The following SLC9B1 variants were observed in gnomAD, a reference collection of about 807,000 sequenced individuals.
The protein encoded by SLC9B1 is sodium/hydrogen exchanger 9B1.
Under a neutral mutation model 51.7 loss-of-function variants are expected in SLC9B1, and 32 were observed. The observed-to-expected ratio is 0.62, with a 90% CI of 0.47 to 0.83. SLC9B1 has a LOEUF of 0.83. SLC9B1 is among the 40% of genes least tolerant of loss of function. SLC9B1 has a pLI of 0.00. For missense variants in SLC9B1, 406 were observed against 613.2 expected (o/e 0.66, Z 3.57); for synonymous variants, 145 against 212.7 (o/e 0.68, Z 2.77).
chr4:103,010,803 G>C (rs1560531423), intron 1 of SLC9B1, among the ~76,000 whole-genome samples: 1 of 152,178 alleles, frequency 6.6e-6, no homozygotes, highest in Non-Finnish European at 1.5e-5. Flanking sequence ...TCATGACCTA[G>C]TCACCTCCTA....
At chr4:102,976,506 A>G (rs1327739407) in intron 3 of SLC9B1, among the ~76,000 whole-genome samples, 1 of 152,230 alleles carries the variant, frequency 6.6e-6, no homozygotes, top group East Asian at 1.9e-4. Flanking sequence ...TCCCAGTCAT[A>G]AAGAGCTAAT....
At chr4:102,979,558 T>C (rs1739245513) in intron 3 of SLC9B1, among the ~76,000 whole-genome samples, 1 of 152,156 alleles carries the variant, frequency 6.6e-6, no homozygotes, top group African/African-American at 2.4e-5. Flanking sequence ...AGACACGATC[T>C]ATGGAGAAGC....
At chr4:102,920,105 G>T (rs1403607051) in intron 7 of SLC9B1, among the ~76,000 whole-genome samples, 1 of 152,222 alleles carries the variant, frequency 6.6e-6, no homozygotes, top group Non-Finnish European at 1.5e-5. Flanking sequence ...CATCAAGTGG[G>T]TCCCTGACCC....
At chr4:102,910,182 T>A (rs1735271694) in intron 9 of SLC9B1, among the ~76,000 whole-genome samples, 1 of 152,104 alleles carries the variant, frequency 6.6e-6, no homozygotes, top group South Asian at 2.1e-4. Context: ...ATTAGATTGA[T>A]AAAGGTAATA....
chr4:102,921,408 G>C (rs1472120134), intron 7 of SLC9B1, among the ~76,000 whole-genome samples: 1 of 152,162 alleles, frequency 6.6e-6, no homozygotes, highest in Non-Finnish European at 1.5e-5. Flanking sequence ...GCTCCTGAAG[G>C]AAGCACTAAA....
At chr4:102,966,122 T>C (rs1339995842) in intron 3 of SLC9B1, among the ~76,000 whole-genome samples, 2 of 152,218 alleles carry the variant, frequency 1.3e-5, no homozygotes, top group Non-Finnish European at 2.9e-5. Context: ...ATGGTGGCAA[T>C]GGCTCTATAG....
intron 1 of SLC9B1, among the ~76,000 whole-genome samples, chr4:103,014,128 T>C (rs1198760085): frequency 3.3e-5 from 5 of 152,226 alleles, no homozygotes; most frequent in African/African-American, 1.2e-4. Context: ...ACCTTGACCC[T>C]GCCTACCTTC....
Position 102,946,719 on chromosome 4 carries a change from T to C in SLC9B1, c.453A>G (p.Thr151=). 2 of 1,610,366 alleles carry C rather than the reference T, an allele frequency of 1.2e-6. No homozygotes were observed. Among genetic ancestry groups the C allele is most frequent in the Non-Finnish European group, 1.7e-6 (2 of 1,179,258 alleles). The stretch of plus-strand genomic sequence containing the variant: ...CAATGCTTCTTAAAATTGAAGACCA[T>C]GTGTTAGGAACATGGACATGTTCAT... ...FINEHVHVPN[T]WSSILRSIAL... Residue 151 remains threonine (T), a synonymous_variant, in exon 5 of 12, where the codon ACA becomes ACG. Coordinates refer to ENST00000296422, the MANE Select transcript of SLC9B1 (RefSeq NM_139173.4).
At chr4:102,899,017 G>T (rs1295987283), downstream of SLC9B1, among the ~76,000 whole-genome samples, 1 of 151,946 alleles carries the variant, frequency 6.6e-6, no homozygotes, top group African/African-American at 2.4e-5. Flanking sequence ...CTGGGATGGT[G>T]TGAGCCACTG....
chr4:103,003,662 C>T (rs1349432405), intron 1 of SLC9B1, among the ~76,000 whole-genome samples: 1 of 152,082 alleles, frequency 6.6e-6, no homozygotes, highest in East Asian at 1.9e-4. Flanking sequence ...GCCACTACCC[C>T]AGTGAAGCAC....
chr4:102,893,224 G>A (rs1277693919), intron 11 of SLC9B1, among the ~76,000 whole-genome samples: 2 of 133,108 alleles, frequency 1.5e-5, no homozygotes, highest in Non-Finnish European at 3.1e-5. Context: ...AGAGGTTGCA[G>A]TGCGCCAAGG....
chr4:102,964,836 C>T lies in SLC9B1; in HGVS notation c.212-15409G>A, dbSNP rs535983294. 1.2e-4 allele frequency among the ~76,000 whole-genome samples: 18 copies of T among 152,244 alleles called. No individual in the cohort carries two copies. In the South Asian group the frequency reaches 3.5e-3, roughly 30 times the overall value. ...CTACCAGAAGCCTACAGCCAACATA[C>T]TTAATGGTAAAAATGTGCTTACCTC... is the stretch of plus-strand genomic sequence containing the variant. On this transcript the variant is annotated intron_variant, in intron 3 of 11. Coordinates refer to ENST00000296422, the MANE Select transcript of SLC9B1 (RefSeq NM_139173.4).
At chr4:102,996,026 G>A (rs1740196280) in intron 1 of SLC9B1, among the ~76,000 whole-genome samples, 3 of 152,128 alleles carry the variant, frequency 2.0e-5, no homozygotes, top group Non-Finnish European at 4.4e-5. Flanking sequence ...CAAGTGGGGA[G>A]CTGGAATTTA....
At chr4:102,980,422 A>G (rs1051669324) in intron 3 of SLC9B1, among the ~76,000 whole-genome samples, 2 of 152,222 alleles carry the variant, frequency 1.3e-5, no homozygotes, top group Non-Finnish European at 2.9e-5. Context: ...ATAAAAAGGA[A>G]TGAGATCGTG....
At chr4:103,004,011 A>G (rs1449773454) in intron 1 of SLC9B1, among the ~76,000 whole-genome samples, 1 of 152,218 alleles carries the variant, frequency 6.6e-6, no homozygotes, top group Non-Finnish European at 1.5e-5. Context: ...TAACCAGCAC[A>G]AGAACTCTGG....
chr4:102,949,401 T>C lies in SLC9B1; in HGVS notation c.238A>G (p.Met80Val). ...TCAGAGCCTAAGATTGACCAGGTCA[T>C]ACACCATATCACAAACAGTATAACT... Reference protein sequence around the residue: ...NGVILFVIWCMTWSILGSEAL... With the variant: ...NGVILFVIWCVTWSILGSEAL... Residue 80 changes from methionine to valine, a missense_variant, in exon 4 of 12, where the codon ATG becomes GTG. Transcript: ENST00000296422. 6.2e-7 allele frequency: 1 copy of C among 1,602,408 alleles called. No homozygotes were observed. The highest frequency in any genetic ancestry group is 8.5e-7 in the Non-Finnish European group (1 of 1,176,852).
Position 102,941,664 on chromosome 4 carries a change from C to CGAGA in SLC9B1, c.653+3525_653+3528dup, listed in dbSNP as rs34829436. Among the ~76,000 whole-genome samples, 75 of 126,746 alleles carry CGAGA rather than the reference C, an allele frequency of 5.9e-4. 1 individual carries two copies. In the South Asian group the frequency reaches 0.016, roughly 28 times the overall value. 83.2% of individuals were successfully genotyped at this position (126,746 alleles called of 152,430 possible). On this transcript the variant is annotated intron_variant, in intron 6 of 11. Transcript: ENST00000296422. ...CAAAAAAAAAAAAAAAAAAAAAACC[C>CGAGA]GAGAGAGAGAGAGAAAGAAAAACCC...
At chr4:102,961,988 CTGTG>C in intron 3 of SLC9B1, 1 of 260,954 alleles carries the variant, frequency 3.8e-6, no homozygotes, top group South Asian at 4.2e-5. Context: ...GTGTGGCAGA[CTGTG>C]GCATCAGGTA....
At chr4:103,007,579 A>G (rs576376681) in intron 1 of SLC9B1, among the ~76,000 whole-genome samples, 1 of 147,546 alleles carries the variant, frequency 6.8e-6, no homozygotes, top group African/African-American at 2.5e-5. Context: ...GTAATTTACA[A>G]TCTCTTGTCA....
Sources: gnomAD v4.1 joint callset for allele counts (sites outside exome capture counted in the v4.1 genomes callset) on GRCh38, gnomAD v4.1.1 for gene constraint, MANE v1.5 for transcripts, NCBI Gene and HGNC (gene_info 2026-07-23, HGNC 2026-07-21) for gene names.